Variants in TBC1D2 observed in about 807,000 individuals in gnomAD.
TBC1D2 encodes TBC1 domain family member 2, also known as TBC1 domain family member 2A.
A neutral mutation model predicts 91.1 loss-of-function variants in TBC1D2; 58 were observed. The observed-to-expected ratio is 0.64, with a 90% CI of 0.52 to 0.79. TBC1D2 has a LOEUF of 0.79. TBC1D2 is among the 30% of genes least tolerant of loss of function. The probability of loss-of-function intolerance (pLI) is 0.00; values close to 1 mark genes in which losing one functional copy is unlikely to be tolerated. For synonymous variants in TBC1D2, 482 were observed against 511.5 expected, an observed-to-expected ratio of 0.94 and a Z score of 0.78; for missense variants, 1,080 against 1,208.3, an observed-to-expected ratio of 0.89 and a Z score of 1.57.
At chr9:98,209,629 G>C (rs1828759590) in intron 8 of TBC1D2, among the ~76,000 whole-genome samples, 1 of 152,074 alleles carries the variant, frequency 6.6e-6, no homozygotes, top group Non-Finnish European at 1.5e-5. Context: ...ATTCAATGTT[G>C]ACTCACCTCC....
chr9:98,213,286 C>T, intron 6 of TBC1D2, 68 bp from the exon 7 acceptor site: 1 of 1,591,136 alleles, frequency 6.3e-7, no homozygotes, highest in Admixed American at 1.7e-5. Flanking sequence ...GGAGTCACAC[C>T]CTCAAATGAG....
chr9:98,216,102 C>A (rs1828963243), intron 6 of TBC1D2, among the ~76,000 whole-genome samples: 1 of 152,224 alleles, frequency 6.6e-6, no homozygotes, highest in Non-Finnish European at 1.5e-5. Flanking sequence ...GACCACTGAG[C>A]CCCTGGACAA....
chr9:98,255,592 G>A lies in TBC1D2; in HGVS notation c.-51C>T, dbSNP rs752042837. 1.4e-6 allele frequency: 2 copies of A among 1,447,588 alleles called. No homozygotes were observed. The highest frequency in any genetic ancestry group is 2.7e-5 in the Admixed American group (1 of 37,268). The allele number at this position is 1,447,588 out of a possible 1,614,324, so 89.7% of individuals were successfully genotyped here. On this transcript the variant is annotated 5_prime_UTR_variant, in exon 1 of 13. Coordinates refer to ENST00000465784, the MANE Select transcript of TBC1D2 (RefSeq NM_001267571.2). ...GACGAGGGGTCCGCGGGACCACCAG[G>A]GACAAATCTCGGAGACTCGGCGGGC...
Position 98,213,147 on chromosome 9 carries a change from C to T in TBC1D2, c.1446G>A (p.Trp482Ter). ...NSEIHQVTKIWRKVAEKEKAL... is the reference protein window; with the variant it reads ...NSEIHQVTKI ...CCTTCTCCTTCTCAGCCACCTTTCT[C>T]CAGATCTTTGTGACCTGGTGGATCT... is the stretch of plus-strand genomic sequence containing the variant. Residue 482 changes from tryptophan (W) to a stop codon, truncating the protein, a stop_gained, in exon 7 of 13, where the codon TGG (tryptophan) becomes TGA (stop). Coordinates refer to ENST00000465784, the MANE Select transcript of TBC1D2 (RefSeq NM_001267571.2). LOFTEE classifies it high-confidence loss of function. 6.2e-7 allele frequency: 1 copy of T among 1,614,172 alleles called. No individual in the cohort carries two copies. The highest frequency in any genetic ancestry group is 1.1e-5 in the South Asian group (1 of 91,070).
At chr9:98,203,502 A>C (rs1436308846) in intron 9 of TBC1D2, 94 bp from the exon 10 acceptor site, 1 of 1,547,588 alleles carries the variant, frequency 6.5e-7, no homozygotes, top group Non-Finnish European at 8.7e-7. Flanking sequence ...CCAGGGGGAA[A>C]GTCCTTCCAT....
At chr9:98,253,174 G>A (rs1374372213) in intron 1 of TBC1D2, among the ~76,000 whole-genome samples, 2 of 152,100 alleles carry the variant, frequency 1.3e-5, no homozygotes, top group East Asian at 3.9e-4. Context: ...CAACACACAT[G>A]GTCCCTGTCC....
chr9:98,216,973 A>G (rs946507601), intron 6 of TBC1D2, among the ~76,000 whole-genome samples: 1 of 152,128 alleles, frequency 6.6e-6, no homozygotes, highest in Non-Finnish European at 1.5e-5. Context: ...AAAGCACTGG[A>G]TTGTGAGCCA....
At position 98,244,255 on chromosome 9, in the gene TBC1D2, C is replaced by G. The variant is rs186927191; in HGVS notation, c.512-126G>C. On this transcript the variant is annotated intron_variant, in intron 2 of 12. Transcript: ENST00000465784. ...GGAGTTGGAGAGTTGCAGGGGCAAG[C>G]AGGCCCTCCCTGTAGGTTAACAGCA... 6,698 of 1,244,530 alleles carry G rather than the reference C, an allele frequency of 5.4e-3. 26 individuals are homozygous for G. Among genetic ancestry groups the G allele is most frequent in the South Asian group, 9.7e-3 (712 of 73,650 alleles). The allele number at this position is 1,244,530 out of a possible 1,614,324, so 77.1% of individuals were successfully genotyped here. A position where few individuals can be genotyped will look rare whatever the true frequency, so the allele number is the denominator to read the frequency against.
chr9:98,255,641 G>A lies in TBC1D2; in HGVS notation c.-100C>T, dbSNP rs1829962341. On this transcript the variant is annotated 5_prime_UTR_variant, in exon 1 of 13. Transcript: ENST00000465784. ...GCAGCTTCCCAAAGGGAGACACCTG[G>A]GCGGGGGCGGGGCCGACGGCGAACC... 3 of 1,357,956 alleles carry A rather than the reference G, an allele frequency of 2.2e-6. No individual in the cohort carries two copies. Among genetic ancestry groups the A allele is most frequent in the Non-Finnish European group, 2.8e-6 (3 of 1,056,812 alleles). The allele number at this position is 1,357,956 out of a possible 1,614,324, so 84.1% of individuals were successfully genotyped here.
At chr9:98,209,468 T>A (rs1282166499) in intron 8 of TBC1D2, among the ~76,000 whole-genome samples, 1 of 152,178 alleles carries the variant, frequency 6.6e-6, no homozygotes, top group Non-Finnish European at 1.5e-5. Context: ...CTCTTATTAC[T>A]CCATGCAGCC....
chr9:98,231,534 T>C (rs1253872425), intron 4 of TBC1D2, among the ~76,000 whole-genome samples: 1 of 152,210 alleles, frequency 6.6e-6, no homozygotes, highest in Non-Finnish European at 1.5e-5. Flanking sequence ...TTGTGTTAGA[T>C]GATTTTGCCC....
chr9:98,218,351 G>C (rs1007369131), intron 6 of TBC1D2, among the ~76,000 whole-genome samples: 1 of 151,908 alleles, frequency 6.6e-6, no homozygotes, highest in African/African-American at 2.4e-5. Flanking sequence ...CAGATCACGC[G>C]GTCAGGAGAT....
chr9:98,220,787 GA>G, intron 6 of TBC1D2, 45 bp downstream of exon 6: 1 of 1,601,700 alleles, frequency 6.2e-7, no homozygotes, highest in Non-Finnish European at 8.5e-7. Flanking sequence ...TGAGGGCTGG[GA>G]CAGAGGACCG....
intron 6 of TBC1D2, among the ~76,000 whole-genome samples, chr9:98,218,148 G>A (rs1430757705): frequency 6.6e-6 from 1 of 152,046 alleles, no homozygotes; most frequent in East Asian, 1.9e-4. Context: ...ACCCATGCCT[G>A]GCCTTATGCA....
chr9:98,253,476 A>C (rs1398511628), intron 1 of TBC1D2, among the ~76,000 whole-genome samples: 1 of 152,140 alleles, frequency 6.6e-6, no homozygotes, highest in African/African-American at 2.4e-5. Flanking sequence ...TCCAATAGTC[A>C]GACTGAGCTT....
At chr9:98,232,684 G>A (rs1829400830) in intron 4 of TBC1D2, among the ~76,000 whole-genome samples, 1 of 152,098 alleles carries the variant, frequency 6.6e-6, no homozygotes, top group South Asian at 2.1e-4. Flanking sequence ...GTGCAGACAT[G>A]TCCCAAGTAC....
Position 98,210,650 on chromosome 9 carries a change from G to T in TBC1D2, c.1673+6C>A. 6.3e-7 allele frequency: 1 copy of T among 1,577,882 alleles called. No individual in the cohort carries two copies. Reference sequence around the variant, plus strand: ...AGACCAGCCCTTCCTGGGCCGCCAGGCTCACCTGATGGGGCTCAGCTCGAT... The same window carrying T: ...AGACCAGCCCTTCCTGGGCCGCCAGTCTCACCTGATGGGGCTCAGCTCGAT... On this transcript the variant is annotated splice_donor_region_variant and intron_variant, in intron 8 of 12. Coordinates refer to ENST00000465784, the MANE Select transcript of TBC1D2 (RefSeq NM_001267571.2).
intron 2 of TBC1D2, among the ~76,000 whole-genome samples, chr9:98,245,996 G>C (rs1050420769): frequency 1.3e-5 from 2 of 152,172 alleles, no homozygotes; most frequent in Admixed American, 1.3e-4. Flanking sequence ...CAAATGTTCT[G>C]TTTAAACAAT....
At chr9:98,218,510 T>C (rs1269492876) in intron 6 of TBC1D2, among the ~76,000 whole-genome samples, 3 of 151,876 alleles carry the variant, frequency 2.0e-5, no homozygotes, top group Non-Finnish European at 4.4e-5. Context: ...GAGCTTGCAG[T>C]GAGCCGAGAC....
Sources: gnomAD v4.1 joint callset for allele counts (sites outside exome capture counted in the v4.1 genomes callset) on GRCh38, gnomAD v4.1.1 for gene constraint, MANE v1.5 for transcripts, NCBI Gene and HGNC (gene_info 2026-07-23, HGNC 2026-07-21) for gene names.